TXNDC8: variants seen among roughly 807,000 people sequenced by gnomAD.
TXNDC8 encodes the protein thioredoxin domain-containing protein 8.
A neutral mutation model predicts 12.9 loss-of-function variants in TXNDC8; 15 were observed. That is an observed-to-expected ratio of 1.16 (90% CI 0.78 to 1.79). The LOEUF (loss-of-function observed/expected upper bound fraction) is 1.79. Among genes scored for constraint, TXNDC8 ranks in the 40% most tolerant of loss-of-function variants. The pLI is 0.00. For missense variants in TXNDC8, 128 were observed against 113.2 expected, an observed-to-expected ratio of 1.13 and a Z score of -0.59; for synonymous variants, 40 against 35.4, an observed-to-expected ratio of 1.13 and a Z score of -0.46.
At chr9:110,337,333 T>C (rs1839794853) in intron 1 of TXNDC8, among the ~76,000 whole-genome samples, 1 of 152,246 alleles carries the variant, frequency 6.6e-6, no homozygotes, top group South Asian at 2.1e-4. Context: ...TTTAGATTTG[T>C]TGTGACAGCA....
intron 2 of TXNDC8, among the ~76,000 whole-genome samples, chr9:110,326,551 A>AC (rs1014881711): frequency 2.0e-5 from 3 of 152,196 alleles, no homozygotes; most frequent in Non-Finnish European, 1.5e-5. Context: ...CATTTAAAGG[A>AC]CCTTGTGAAA....
In TXNDC8 at chr9:110,308,474, T is replaced by TTTG. The variant is rs1554701415; in HGVS notation, c.196-3945_196-3943dup. Among the ~76,000 whole-genome samples the TTTG allele has an allele frequency of 3.7e-4, 56 of 152,062 alleles. No homozygotes were observed. The South Asian group carries it at 7.9e-3, about 21-fold the overall frequency. ...GCTCAGAGATCACATTGTTTTTTTT[T>TTTG]TTGTTGTTGTTGTTTGTTCTTTTCT... On this transcript the variant is annotated intron_variant, in intron 3 of 4. Coordinates refer to ENST00000423740, the MANE Select transcript of TXNDC8 (RefSeq NM_001286946.2).
At chr9:110,315,937 A>G (rs1194867800) in intron 3 of TXNDC8, among the ~76,000 whole-genome samples, 1 of 151,750 alleles carries the variant, frequency 6.6e-6, no homozygotes, top group Admixed American at 6.6e-5. Flanking sequence ...TTGCTCTGTC[A>G]CTGAGGCTGG....
chr9:110,337,583 A>C (rs7040684), intron 1 of TXNDC8, among the ~76,000 whole-genome samples, 190 bp downstream of exon 1: 59,543 of 152,010 alleles, frequency 0.39, 13,428 homozygotes, highest in African/African-American at 0.62. Flanking sequence ...TATCAATTTG[A>C]CCCTTGGCTG....
At chr9:110,318,553 G>A (rs146208000) in intron 3 of TXNDC8, among the ~76,000 whole-genome samples, 161 of 152,160 alleles carry the variant, frequency 1.1e-3, no homozygotes, top group African/African-American at 3.7e-3. Context: ...TGCCTAACAC[G>A]ATGAAACCCT....
intron 3 of TXNDC8, among the ~76,000 whole-genome samples, chr9:110,311,521 G>GATATATATA (rs1491185921): frequency 7.3e-5 from 3 of 41,216 alleles, no homozygotes; most frequent in African/African-American, 1.8e-4. Flanking sequence ...AAATAAAGAG[G>GATATATATA]TATATATATA....
chr9:110,306,600 A>G (rs1838475802), intron 3 of TXNDC8, among the ~76,000 whole-genome samples: 3 of 152,202 alleles, frequency 2.0e-5, no homozygotes, highest in Non-Finnish European at 4.4e-5. Flanking sequence ...CAAATACTTA[A>G]TAAGTGCCTA....
intron 3 of TXNDC8, among the ~76,000 whole-genome samples, chr9:110,305,824 T>G (rs1480593352): frequency 2.1e-5 from 3 of 142,114 alleles, no homozygotes; most frequent in African/African-American, 7.7e-5. Context: ...TTCCTTTCCT[T>G]TCCTTTCTTT....
intron 3 of TXNDC8, chr9:110,322,321 A>T (rs1035069025): frequency 1.4e-4 from 132 of 955,190 alleles, no homozygotes; most frequent in Admixed American, 1.2e-4. Flanking sequence ...TGGAATTAGA[A>T]TATGGAAGTG....
chr9:110,331,976 G>A (rs1839564321), intron 2 of TXNDC8, among the ~76,000 whole-genome samples: 1 of 152,072 alleles, frequency 6.6e-6, no homozygotes. Context: ...TATACTATGA[G>A]TTAAAAAAAA....
At chr9:110,320,090 A>G (rs1379726483) in intron 3 of TXNDC8, among the ~76,000 whole-genome samples, 1 of 152,226 alleles carries the variant, frequency 6.6e-6, no homozygotes, top group East Asian at 1.9e-4. Context: ...TAATCAAAGA[A>G]TGAAAGATGG....
intron 3 of TXNDC8, chr9:110,322,912 T>A: frequency 2.0e-6 from 2 of 985,426 alleles, no homozygotes; most frequent in Non-Finnish European, 2.4e-6. Flanking sequence ...AAATCAGACA[T>A]GACCTCCTTC....
chr9:110,313,664 G>GACTCC (rs150598313), intron 3 of TXNDC8, among the ~76,000 whole-genome samples: 3,751 of 152,252 alleles, frequency 0.025, 150 homozygotes, highest in African/African-American at 0.085. Flanking sequence ...CCGTGCCCCT[G>GACTCC]ACTCCAGCCT....
chr9:110,317,057 T>G (rs993973578), intron 3 of TXNDC8, among the ~76,000 whole-genome samples: 4 of 152,200 alleles, frequency 2.6e-5, no homozygotes, highest in Non-Finnish European at 5.9e-5. Context: ...TGCAACTGCC[T>G]AAGAGCTAGG....
chr9:110,323,747 T>C, intron 3 of TXNDC8: 1 of 1,218,128 alleles, frequency 8.2e-7, no homozygotes, highest in Non-Finnish European at 1.1e-6. Flanking sequence ...ATTAGTACTC[T>C]TGGCTTGACT....
At chr9:110,304,638 A>G in intron 3 of TXNDC8, 106 bp from the exon 5 acceptor site, 1 of 1,026,970 alleles carries the variant, frequency 9.7e-7, no homozygotes, top group Non-Finnish European at 1.4e-6. Context: ...AAGGTGTCAG[A>G]AAGGATCTGC....
chr9:110,327,638 T>C (rs1373434395), intron 2 of TXNDC8, among the ~76,000 whole-genome samples: 1 of 152,158 alleles, frequency 6.6e-6, no homozygotes, highest in African/African-American at 2.4e-5. Context: ...ACTGATACAT[T>C]CTATAATATG....
intron 3 of TXNDC8, among the ~76,000 whole-genome samples, chr9:110,324,642 A>C (rs1281855945): frequency 6.6e-6 from 1 of 152,248 alleles, no homozygotes. Flanking sequence ...ATAGTGCTAC[A>C]AATATTATTA....
intron 2 of TXNDC8, among the ~76,000 whole-genome samples, chr9:110,332,682 G>C (rs1449846771): frequency 1.3e-5 from 2 of 152,128 alleles, no homozygotes; most frequent in Admixed American, 6.5e-5. Context: ...TCTTTCTGCT[G>C]TATGTTATAC....
Sources: gnomAD v4.1 joint callset for allele counts (sites outside exome capture counted in the v4.1 genomes callset) on GRCh38, gnomAD v4.1.1 for gene constraint, MANE v1.5 for transcripts, NCBI Gene and HGNC (gene_info 2026-07-23, HGNC 2026-07-21) for gene names.